Variants in EBF1 observed in about 807,000 individuals in gnomAD.
EBF1 encodes the protein EBF transcription factor 1.
In EBF1, 10 loss-of-function variants were observed where a neutral mutation model predicts 68.4. The ratio of observed to expected loss-of-function variants is 0.15; its 90% CI spans 0.09 to 0.25. The LOEUF (loss-of-function observed/expected upper bound fraction) is 0.25, where lower values mean the gene tolerates loss of function less well. Among genes scored for constraint, EBF1 ranks in the 10% least tolerant of loss-of-function variants. EBF1 has a pLI of 1.00. For synonymous variants in EBF1, 298 were observed against 299.8 expected, an observed-to-expected ratio of 0.99 and a Z score of 0.06; for missense variants, 509 against 794.4, an observed-to-expected ratio of 0.64 and a Z score of 4.32.
chr5:158,722,074 G>A (rs559493093), intron 11 of EBF1, among the ~76,000 whole-genome samples: 3 of 152,132 alleles, frequency 2.0e-5, no homozygotes, highest in East Asian at 3.9e-4. Context: ...AACCTCTGGC[G>A]GGATCTTCTT....
chr5:158,991,303 T>A (rs1760278366), intron 6 of EBF1, among the ~76,000 whole-genome samples: 1 of 152,116 alleles, frequency 6.6e-6, no homozygotes, highest in African/African-American at 2.4e-5. Context: ...TTTCATGAAT[T>A]TCAGACTGCA....
intron 8 of EBF1, among the ~76,000 whole-genome samples, chr5:158,822,140 G>A (rs1784973835): frequency 2.0e-5 from 3 of 152,166 alleles, no homozygotes; most frequent in African/African-American, 7.2e-5. Context: ...GAATCTTGCT[G>A]ACCCTAGCAA....
intron 6 of EBF1, among the ~76,000 whole-genome samples, chr5:158,966,226 T>C (rs1195802929): frequency 1.3e-5 from 2 of 152,156 alleles, no homozygotes; most frequent in African/African-American, 4.8e-5. Flanking sequence ...CACACCCAAC[T>C]TTCCCTTCTA....
chr5:158,804,198 T>A (rs1024652760), intron 8 of EBF1, among the ~76,000 whole-genome samples: 73 of 152,034 alleles, frequency 4.8e-4, no homozygotes, highest in African/African-American at 1.4e-3. Context: ...TCACAGGCAC[T>A]ATTTGGAAAT....
At chr5:158,714,282 G>A in intron 11 of EBF1, 100 bp from the exon 12 acceptor site, 2 of 1,385,428 alleles carry the variant, frequency 1.4e-6, no homozygotes, top group Non-Finnish European at 2.1e-6. Flanking sequence ...ACTTTGCCAA[G>A]GCACTGCTAT....
At chr5:159,012,936 A>C (rs946864282) in intron 6 of EBF1, among the ~76,000 whole-genome samples, 2 of 152,212 alleles carry the variant, frequency 1.3e-5, no homozygotes, top group African/African-American at 2.4e-5. Context: ...ATGCAAAGGC[A>C]CTGGAAGAAG....
At chr5:158,849,485 A>G (rs1792188683) in intron 6 of EBF1, among the ~76,000 whole-genome samples, 1 of 152,048 alleles carries the variant, frequency 6.6e-6, no homozygotes, top group Admixed American at 6.6e-5. Flanking sequence ...CTTCCCAGAT[A>G]CCCAGAGCTA....
At chr5:158,995,674 A>T (rs1761257252) in intron 6 of EBF1, among the ~76,000 whole-genome samples, 1 of 152,142 alleles carries the variant, frequency 6.6e-6, no homozygotes, top group Non-Finnish European at 1.5e-5. Flanking sequence ...CGACCTTCTT[A>T]CAGGGTCATT....
chr5:158,777,983 G>A (rs763304924), intron 9 of EBF1, among the ~76,000 whole-genome samples: 15 of 152,276 alleles, frequency 9.9e-5, no homozygotes, highest in Admixed American at 5.9e-4. Context: ...TAGCTGCGGA[G>A]TGCACGTATG....
At chr5:158,836,260 T>G (rs1266320491) in intron 7 of EBF1, among the ~76,000 whole-genome samples, 1 of 152,156 alleles carries the variant, frequency 6.6e-6, no homozygotes, top group African/African-American at 2.4e-5. Flanking sequence ...ACCAGAGTTC[T>G]CAGTGCATAA....
intron 6 of EBF1, among the ~76,000 whole-genome samples, chr5:159,065,316 G>C (rs912116107): frequency 5.9e-5 from 9 of 152,030 alleles, no homozygotes; most frequent in Non-Finnish European, 1.0e-4. Flanking sequence ...CTGACTCCTC[G>C]GCATGCACCA....
intron 6 of EBF1, among the ~76,000 whole-genome samples, chr5:158,927,863 A>G (rs1166885968): frequency 6.6e-6 from 1 of 152,194 alleles, no homozygotes; most frequent in African/African-American, 2.4e-5. Context: ...TCATTAGTAC[A>G]CCCTCTTTAC....
At chr5:158,861,331 G>A (rs930773984) in intron 6 of EBF1, among the ~76,000 whole-genome samples, 40 of 152,314 alleles carry the variant, frequency 2.6e-4, no homozygotes, top group Admixed American at 3.3e-4. Context: ...AGCAGTAACC[G>A]AATGTACACT....
chr5:158,755,981 C>G lies in EBF1; in HGVS notation c.1036+21432G>C, dbSNP rs945248390. On this transcript the variant is annotated intron_variant, in intron 10 of 15. Transcript: ENST00000313708. ...ATCAGATACTTTTGTTTTTAAGGCT[C>G]TCTTTCTTAAATTTCCTAACTTGGC... Among the ~76,000 whole-genome samples, 4 of 152,138 alleles carry G rather than the reference C, an allele frequency of 2.6e-5. No homozygotes were observed. The East Asian group carries it at 7.7e-4, about 29-fold the overall frequency.
chr5:159,002,567 T>A (rs576386216), intron 6 of EBF1, among the ~76,000 whole-genome samples: 1 of 152,232 alleles, frequency 6.6e-6, no homozygotes, highest in Non-Finnish European at 1.5e-5. Context: ...TCCAGGCTTA[T>A]GTTTAAAAAT....
chr5:158,860,969 G>A (rs1794869760), intron 6 of EBF1, among the ~76,000 whole-genome samples: 1 of 152,130 alleles, frequency 6.6e-6, no homozygotes, highest in African/African-American at 2.4e-5. Context: ...CCTCCAAGAC[G>A]ACACTCAGTT....
intron 6 of EBF1, among the ~76,000 whole-genome samples, chr5:158,973,464 AACACAC>A (rs139768228): frequency 1.3e-5 from 2 of 149,180 alleles, no homozygotes; most frequent in Non-Finnish European, 3.0e-5. Flanking sequence ...AGCTCAAACC[AACACAC>A]ACACACACAC....
intron 6 of EBF1, among the ~76,000 whole-genome samples, chr5:159,007,759 A>G (rs1343674374): frequency 6.6e-6 from 1 of 152,214 alleles, no homozygotes; most frequent in Admixed American, 6.5e-5. Context: ...CCCCTCCACC[A>G]AAATGCACAG....
intron 10 of EBF1, among the ~76,000 whole-genome samples, chr5:158,765,169 C>A (rs1772386777): frequency 6.6e-6 from 1 of 152,024 alleles, no homozygotes; most frequent in Admixed American, 6.6e-5. Context: ...AGGAAAATTT[C>A]TAAACCTTTA....
Sources: allele counts gnomAD v4.1 joint callset (sites outside exome capture counted in the v4.1 genomes callset), GRCh38; gene constraint gnomAD v4.1.1; transcripts MANE v1.5; gene names NCBI Gene and HGNC (gene_info 2026-07-23, HGNC 2026-07-21).